The following DMD variants were observed in gnomAD, a reference collection of about 807,000 sequenced individuals.
DMD encodes the protein dystrophin, also known as mutant dystrophin.
In DMD, 63 loss-of-function variants were observed where a neutral mutation model predicts 330.1. That is an observed-to-expected ratio of 0.19 (90% CI 0.16 to 0.24). The LOEUF (loss-of-function observed/expected upper bound fraction) is 0.24, where lower values mean the gene tolerates loss of function less well. DMD is among the 10% of genes least tolerant of loss of function. DMD has a pLI of 1.00. For missense variants in DMD, 3,344 were observed against 2,684.1 expected, an observed-to-expected ratio of 1.25 and a Z score of -5.43; for synonymous variants, 1,223 against 959.8, an observed-to-expected ratio of 1.27 and a Z score of -5.07.
At chrX:32,576,926 AATTT>A (rs1192308672) in intron 13 of DMD, among the ~76,000 whole-genome samples, 1 of 111,738 alleles carries the variant, frequency 8.9e-6, no homozygotes, top group African/African-American at 3.3e-5. Flanking sequence ...ATTGATCATG[AATTT>A]ATTATATAAC....
At chrX:32,766,162 G>A (rs563174798) in intron 7 of DMD, among the ~76,000 whole-genome samples, 94 of 110,574 alleles carry the variant, frequency 8.5e-4, no homozygotes, top group Admixed American at 2.0e-3. Flanking sequence ...TTTCAAGATC[G>A]TTTCAACTAT....
At chrX:32,048,457 C>G (rs769788951) in intron 44 of DMD, among the ~76,000 whole-genome samples, 2 of 108,472 alleles carry the variant, frequency 1.8e-5, no homozygotes, top group South Asian at 8.3e-4. Context: ...CTCTGGGCCT[C>G]GGCTCTTACT....
intron 63 of DMD, among the ~76,000 whole-genome samples, chrX:31,235,750 G>A (rs2047666974): frequency 8.9e-6 from 1 of 112,434 alleles, no homozygotes; most frequent in Non-Finnish European, 1.9e-5. Context: ...TACAACCTGA[G>A]CTGGAGCTTC....
chrX:32,382,551 C>CGTA (rs1305605813), intron 33 of DMD, among the ~76,000 whole-genome samples: 1 of 110,285 alleles, frequency 9.1e-6, no homozygotes, highest in African/African-American at 3.3e-5. Flanking sequence ...GAGAGGTGTG[C>CGTA]GTACATTTAG....
intron 44 of DMD, among the ~76,000 whole-genome samples, chrX:32,200,529 G>A (rs1291659151): frequency 1.8e-5 from 2 of 110,819 alleles, no homozygotes; most frequent in Non-Finnish European, 3.8e-5. Context: ...TAGGTAACGT[G>A]TTTTACATGT....
chrX:31,870,486 A>G (rs1033811092), intron 48 of DMD, among the ~76,000 whole-genome samples: 3 of 111,935 alleles, frequency 2.7e-5, no homozygotes, highest in Non-Finnish European at 5.6e-5. Flanking sequence ...CTCCCTCCTG[A>G]TATCTAGTAC....
rs2045989165 is a variant in DMD, at chrX:32,517,691, C to T, written c.2292+317G>A. The T allele has an allele frequency of 8.4e-6, 3 of 357,111 alleles. No homozygotes were observed. In the South Asian group the frequency reaches 1.5e-4, roughly 17 times the overall value. 29.4% of individuals were successfully genotyped at this position (357,111 alleles called of 1,213,427 possible). A position where few individuals can be genotyped will look rare whatever the true frequency, so the allele number is the denominator to read the frequency against. On this transcript the variant is annotated intron_variant, in intron 18 of 78. Coordinates refer to ENST00000357033, the MANE Select transcript of DMD (RefSeq NM_004006.3). ...TTGTGCAAGCTTGCTAAGGCCTAGC[C>T]TTGAGGTAACTGAACAATATATGAA...
intron 17 of DMD, among the ~76,000 whole-genome samples, chrX:32,531,027 T>C (rs1351616036): frequency 8.9e-6 from 1 of 111,954 alleles, no homozygotes; most frequent in Non-Finnish European, 1.9e-5. Context: ...CTTTCAGAGC[T>C]TGTCTTCAAT....
At chrX:31,843,288 C>T (rs112097219) in intron 48 of DMD, among the ~76,000 whole-genome samples, 5,839 of 111,433 alleles carry the variant, frequency 0.052, 390 homozygotes, top group African/African-American at 0.18. Context: ...TGAGAAATCC[C>T]CAAACTGCTT....
At chrX:31,635,153 C>T (rs1385619029) in intron 54 of DMD, among the ~76,000 whole-genome samples, 1 of 111,775 alleles carries the variant, frequency 8.9e-6, no homozygotes, top group Non-Finnish European at 1.9e-5. Flanking sequence ...GTTAACACTA[C>T]TTCCCAGATA....
chrX:31,348,495 C>T, intron 61 of DMD, 61 bp downstream of exon 61: 2 of 1,000,616 alleles, frequency 2.0e-6, no homozygotes, highest in Non-Finnish European at 2.8e-6. Flanking sequence ...GTTTTTTCAA[C>T]TGTTATTCTT....
intron 13 of DMD, among the ~76,000 whole-genome samples, chrX:32,580,057 C>A (rs2053492854): frequency 1.9e-5 from 2 of 106,544 alleles, no homozygotes; most frequent in Admixed American, 2.0e-4. Flanking sequence ...TACTCTCCAG[C>A]TCCCACCAGT....
At chrX:32,252,827 T>A (rs1603629279) in intron 43 of DMD, among the ~76,000 whole-genome samples, 1 of 54,663 alleles carries the variant, frequency 1.8e-5, no homozygotes, top group Admixed American at 3.2e-4. Flanking sequence ...TATATAAATA[T>A]ATATAAATAT....
chrX:31,282,318 TATG>T (rs1214780773), intron 62 of DMD, among the ~76,000 whole-genome samples: 1 of 111,615 alleles, frequency 9.0e-6, no homozygotes, highest in Non-Finnish European at 1.9e-5. Flanking sequence ...ATAGATGAAA[TATG>T]ATTATTGAAC....
chrX:32,257,960 C>G (rs1300576128), intron 43 of DMD, among the ~76,000 whole-genome samples: 31 of 93,666 alleles, frequency 3.3e-4, no homozygotes, highest in African/African-American at 1.2e-3. Flanking sequence ...GGAACTTAAA[C>G]AAATTTACAA....
chrX:31,405,437 G>T (rs1345296356), intron 60 of DMD, among the ~76,000 whole-genome samples: 2 of 111,583 alleles, frequency 1.8e-5, no homozygotes, highest in Non-Finnish European at 3.8e-5. Flanking sequence ...CCCTTTAATA[G>T]AATGATAATT....
intron 1 of DMD, among the ~76,000 whole-genome samples, chrX:33,302,481 T>C (rs1286564709): frequency 8.9e-6 from 1 of 112,399 alleles, no homozygotes; most frequent in Non-Finnish European, 1.9e-5. Context: ...TTAGTTATTC[T>C]ACTAATTCCG....
In DMD at chrX:31,476,244, G is replaced by A. The variant is rs139592707; in HGVS notation, c.8937+1862C>T. 2.6e-3 allele frequency among the ~76,000 whole-genome samples: 280 copies of A among 106,448 alleles called. 3 individuals are homozygous for A. Among genetic ancestry groups the A allele is most frequent in the African/African-American group, 8.5e-3 (249 of 29,364 alleles). The allele number at this position is 106,448 out of a possible 115,157, so 92.4% of individuals were successfully genotyped here. On this transcript the variant is annotated intron_variant, in intron 59 of 78. Coordinates refer to ENST00000357033, the MANE Select transcript of DMD (RefSeq NM_004006.3). ...GTCCTTGAGGGCTGAAGGAGAATTC[G>A]CCAAGTAGACAACGTAGGGGGATCC...
chrX:31,629,000 T>C (rs943335440), intron 54 of DMD, among the ~76,000 whole-genome samples: 9 of 107,077 alleles, frequency 8.4e-5, no homozygotes, highest in Admixed American at 2.0e-4. Flanking sequence ...TATATAATAA[T>C]AGCTTAGAAA....
Sources: gnomAD v4.1 joint callset for allele counts (sites outside exome capture counted in the v4.1 genomes callset) on GRCh38, gnomAD v4.1.1 for gene constraint, MANE v1.5 for transcripts, NCBI Gene and HGNC (gene_info 2026-07-23, HGNC 2026-07-21) for gene names.